The following NIPBL variants were observed in gnomAD, a reference collection of about 807,000 sequenced individuals.
NIPBL encodes the protein nipped-B-like protein.
In NIPBL, 19 loss-of-function variants were observed where a neutral mutation model predicts 321.8. The ratio of observed to expected loss-of-function variants is 0.06; its 90% CI spans 0.04 to 0.09. The LOEUF is 0.09. Among genes scored for constraint, NIPBL ranks in the 10% least tolerant of loss-of-function variants. NIPBL has a pLI of 1.00. For synonymous variants in NIPBL, 1,106 were observed against 1,114.1 expected (o/e 0.99, Z 0.14); for missense variants, 2,210 against 3,327.0 (o/e 0.66, Z 8.26).
At chr5:36,916,876 A>G (rs1375683205) in intron 1 of NIPBL, among the ~76,000 whole-genome samples, 3 of 152,166 alleles carry the variant, frequency 2.0e-5, no homozygotes, top group Admixed American at 6.5e-5. Flanking sequence ...TATATGTGCC[A>G]CATTTTCTTA....
intron 21 of NIPBL, among the ~76,000 whole-genome samples, chr5:37,011,556 AAATG>A (rs1269044356): frequency 6.6e-6 from 1 of 152,208 alleles, no homozygotes; most frequent in Admixed American, 6.5e-5. Context: ...ACCTGTCTAA[AAATG>A]AATGAATGAA....
chr5:36,975,625 T>G (rs1205796069), intron 8 of NIPBL, 151 bp from the exon 9 acceptor site: 1 of 776,662 alleles, frequency 1.3e-6, no homozygotes, highest in Non-Finnish European at 2.0e-6. Flanking sequence ...TTTTAAGCTT[T>G]CTTTTCATCT....
intron 1 of NIPBL, among the ~76,000 whole-genome samples, chr5:36,942,664 CTTGG>C: frequency 6.7e-6 from 1 of 150,328 alleles, no homozygotes; most frequent in Admixed American, 6.6e-5. Context: ...TCACATGAAC[CTTGG>C]AGGCAGAGGC....
intron 1 of NIPBL, among the ~76,000 whole-genome samples, chr5:36,877,780 A>G (rs982476508): frequency 6.6e-6 from 1 of 152,224 alleles, no homozygotes; most frequent in African/African-American, 2.4e-5. Context: ...TGGACGTTGG[A>G]AAGTTCATAA....
At chr5:36,984,366 A>G (rs1744500218) in intron 9 of NIPBL, among the ~76,000 whole-genome samples, 1 of 152,066 alleles carries the variant, frequency 6.6e-6, no homozygotes, top group Admixed American at 6.6e-5. Flanking sequence ...GAACATAAAT[A>G]TATGTTTGTA....
intron 6 of NIPBL, among the ~76,000 whole-genome samples, chr5:36,970,440 G>A (rs191144269): frequency 1.7e-4 from 25 of 147,396 alleles, no homozygotes; most frequent in African/African-American, 6.2e-4. Flanking sequence ...TAAAATCTCA[G>A]TATAATATTA....
chr5:36,993,772 A>C (rs1745818045), intron 10 of NIPBL, among the ~76,000 whole-genome samples: 1 of 152,026 alleles, frequency 6.6e-6, no homozygotes, highest in Non-Finnish European at 1.5e-5. Flanking sequence ...AAAAAAAAAA[A>C]TTTGTATTCT....
intron 10 of NIPBL, among the ~76,000 whole-genome samples, chr5:36,992,835 C>T (rs368102610): frequency 7.2e-5 from 11 of 151,842 alleles, no homozygotes; most frequent in African/African-American, 1.9e-4. Context: ...CTCCGCCTTC[C>T]GGGCTCATGC....
rs182658073 is a variant in NIPBL, at chr5:36,913,755, C to G, written c.-80+36577C>G. Among the ~76,000 whole-genome samples the G allele has an allele frequency of 5.9e-5, 9 of 152,244 alleles. No individual in the cohort carries two copies. The East Asian group carries it at 1.7e-3, about 29-fold the overall frequency. On this transcript the variant is annotated intron_variant, in intron 1 of 46. Transcript: ENST00000282516. ...ATTTATTACATGTTTGTGCTTTTCTCTATTGATTATGGGAAATTGTTAAGA... is the reference window on the plus strand; with the variant it reads ...ATTTATTACATGTTTGTGCTTTTCTGTATTGATTATGGGAAATTGTTAAGA...
Position 37,058,987 on chromosome 5 carries a change from T to A in NIPBL, c.7507T>A (p.Ser2503Thr). ...AGAAGAAGTTTCCAGGCCTCGGAAG[T>A]CACGGAAACGTGTAGATTCAGATTC... ...SEEEVSRPRK[S>T]RKRVDSDSDS... Residue 2503 changes from serine to threonine, a missense_variant, in exon 44 of 47, where the codon TCA (serine) becomes ACA (threonine). Ser to Thr is a moderately conservative substitution (Grantham distance 58). Around this residue, in one of 14 missense-constraint regions of NIPBL, gnomAD observed 79 missense variants for 90.8 expected, o/e 0.87. Coordinates refer to ENST00000282516, the MANE Select transcript of NIPBL (RefSeq NM_133433.4). The A allele has an allele frequency of 6.2e-7, 1 of 1,614,204 alleles. No homozygotes were observed. Among genetic ancestry groups the A allele is most frequent in the East Asian group, 2.2e-5 (1 of 44,886 alleles).
At chr5:37,006,234 C>T (rs1282104411) in intron 16 of NIPBL, 123 bp from the exon 17 acceptor site, 1 of 680,086 alleles carries the variant, frequency 1.5e-6, no homozygotes, top group Non-Finnish European at 2.6e-6. Flanking sequence ...TCTGGATATT[C>T]TTAAAAGAAT....
intron 1 of NIPBL, among the ~76,000 whole-genome samples, chr5:36,911,477 A>G (rs1006120831): frequency 1.3e-5 from 2 of 152,094 alleles, no homozygotes; most frequent in African/African-American, 2.4e-5. Context: ...GGCCTTTCCT[A>G]TTTAATTTGT....
chr5:36,894,595 T>C (rs1216638882), intron 1 of NIPBL, among the ~76,000 whole-genome samples: 1 of 152,208 alleles, frequency 6.6e-6, no homozygotes, highest in Non-Finnish European at 1.5e-5. Flanking sequence ...CCTCCTTTTT[T>C]ATCCATCTAT....
chr5:36,876,842 C>CT lies in NIPBL; in HGVS notation c.-415dup. Reference sequence around the variant, plus strand: ...GCTCCTTCCCCCCGCCCTCCCCCCCCTCCCTCCGTCGGTACCGACTCACCC... The same window carrying CT: ...GCTCCTTCCCCCCGCCCTCCCCCCCCTTCCCTCCGTCGGTACCGACTCACCC... On this transcript the variant is annotated 5_prime_UTR_variant, in exon 1 of 47. Coordinates refer to ENST00000282516, the MANE Select transcript of NIPBL (RefSeq NM_133433.4). The CT allele has an allele frequency of 2.6e-6, 1 of 388,292 alleles. No individual in the cohort carries two copies. Among genetic ancestry groups the CT allele is most frequent in the East Asian group, 3.7e-5 (1 of 27,188 alleles). The allele number at this position is 388,292 out of a possible 1,614,324, so 24.1% of individuals were successfully genotyped here. A position where few individuals can be genotyped will look rare whatever the true frequency, so the allele number is the denominator to read the frequency against.
intron 1 of NIPBL, among the ~76,000 whole-genome samples, chr5:36,937,456 A>G (rs1277855676): frequency 6.6e-6 from 1 of 152,154 alleles, no homozygotes; most frequent in Non-Finnish European, 1.5e-5. Context: ...AGGTTAAACC[A>G]TACCGTTGGA....
At position 36,985,979 on chromosome 5, in the gene NIPBL, A is replaced by C; in HGVS notation, c.2799A>C (p.Ala933=). 6.2e-7 allele frequency: 1 copy of C among 1,614,002 alleles called. No homozygotes were observed. The highest frequency in any genetic ancestry group is 8.5e-7 in the Non-Finnish European group (1 of 1,179,950). Residue 933 remains alanine, a synonymous_variant, in exon 10 of 47, where the codon GCA becomes GCC. Coordinates refer to ENST00000282516, the MANE Select transcript of NIPBL (RefSeq NM_133433.4). ...AGAGTAAAGTAGACACTAATAAAGC[A>C]CACCCTGACAATAAGGCAGAATTTC... is the stretch of plus-strand genomic sequence containing the variant. ...GNKSKVDTNK[A]HPDNKAEFPS... is the part of the protein sequence containing the mutation.
At position 37,026,004 on chromosome 5, in the gene NIPBL, A is replaced by G. The variant is rs114215272; in HGVS notation, c.5710-225A>G. Among the ~76,000 whole-genome samples, 341 of 152,288 alleles carry G rather than the reference A, an allele frequency of 2.2e-3. 2 individuals carry two copies. Among genetic ancestry groups the G allele is most frequent in the Middle Eastern group, 0.017 (5 of 294 alleles). ...GAAGAAGTTCTAGGCTAGGGATAGT[A>G]TCACCCATTCGTATTGTTTAAAATC... On this transcript the variant is annotated intron_variant, in intron 30 of 46. Coordinates refer to ENST00000282516, the MANE Select transcript of NIPBL (RefSeq NM_133433.4).
rs1321218495 is a variant in NIPBL at position 37,064,907 on chromosome 5, C to G, written c.*15C>G. The G allele has an allele frequency of 9.3e-6, 15 of 1,613,882 alleles. No homozygotes were observed. The highest frequency in any genetic ancestry group is 1.2e-5 in the Non-Finnish European group (14 of 1,179,956). ...CTTCCAGCTAATGAATTTGTACATG[C>G]AGCCAAATTTACAGGAATTTTTTTA... On this transcript the variant is annotated 3_prime_UTR_variant, in exon 47 of 47. Transcript: ENST00000282516.
At chr5:36,975,659 A>G in intron 8 of NIPBL, 117 bp from the exon 9 acceptor site, 1 of 996,274 alleles carries the variant, frequency 1.0e-6, no homozygotes, top group Non-Finnish European at 1.5e-6. Context: ...AGCTTGGATT[A>G]TATAATTTCT....
Sources: allele counts gnomAD v4.1 joint callset (sites outside exome capture counted in the v4.1 genomes callset), GRCh38; gene constraint gnomAD v4.1.1; regional missense constraint gnomAD v4.1.1; transcripts MANE v1.5; gene names NCBI Gene and HGNC (gene_info 2026-07-23, HGNC 2026-07-21).